The following XKR4 variants were observed in gnomAD, a reference collection of about 807,000 sequenced individuals.
The protein encoded by XKR4 is XK related 4.
Under a neutral mutation model 53.9 loss-of-function variants are expected in XKR4, and 12 were observed. The observed-to-expected ratio is 0.22, with a 90% CI of 0.14 to 0.36. XKR4 has a LOEUF of 0.36. Ranked by LOEUF, XKR4 falls within the 10% of genes least tolerant of loss-of-function variation. The pLI is 1.00. For missense variants in XKR4, 799 were observed against 859.5 expected (o/e 0.93, Z 0.88); for synonymous variants, 354 against 362.4 (o/e 0.98, Z 0.26).
Position 55,528,126 on chromosome 8 carries a change from A to G in XKR4, c.*3899A>G, listed in dbSNP as rs931437696. ...ATAAATTGTACATAAACTTTTTAGAAAAGAAGCATTTTCCTGCTCCTTTTT... is the reference window on the plus strand; with the variant it reads ...ATAAATTGTACATAAACTTTTTAGAGAAGAAGCATTTTCCTGCTCCTTTTT... On this transcript the variant is annotated 3_prime_UTR_variant, in exon 3 of 3. Transcript: ENST00000327381. 1.3e-5 allele frequency: 2 copies of G among 152,214 alleles called. No homozygotes were observed. The highest frequency in any genetic ancestry group is 1.5e-5 in the Non-Finnish European group (1 of 68,040). 9.4% of individuals were successfully genotyped at this position (152,214 alleles called of 1,614,324 possible).
At chr8:55,276,995 G>T (rs1818774015) in intron 1 of XKR4, among the ~76,000 whole-genome samples, 1 of 152,144 alleles carries the variant, frequency 6.6e-6, no homozygotes, top group Non-Finnish European at 1.5e-5. Flanking sequence ...AACCTATAAG[G>T]ACTGGGTTTC....
At chr8:55,205,517 C>T (rs1302063936) in intron 1 of XKR4, among the ~76,000 whole-genome samples, 1 of 152,138 alleles carries the variant, frequency 6.6e-6, no homozygotes, top group Admixed American at 6.6e-5. Flanking sequence ...AGAAGTGCAG[C>T]ATTATTTTCT....
At chr8:55,158,074 T>C (rs1220552391) in intron 1 of XKR4, among the ~76,000 whole-genome samples, 1 of 152,238 alleles carries the variant, frequency 6.6e-6, no homozygotes, top group Admixed American at 6.5e-5. Context: ...CTGTTTTAAG[T>C]TCTTTGAGAA....
In XKR4 at chr8:55,179,777, G is replaced by T. The variant is rs918724444; in HGVS notation, c.806+76483G>T. Among the ~76,000 whole-genome samples, 4 of 152,132 alleles carry T rather than the reference G, an allele frequency of 2.6e-5. No individual in the cohort carries two copies. In the South Asian group the frequency reaches 8.3e-4, roughly 32 times the overall value. On this transcript the variant is annotated intron_variant, in intron 1 of 2. Transcript: ENST00000327381. Reference sequence around the variant, plus strand: ...TATAAGAAACAGTGCACTGTGACTGGCATAATGGAATATTGTCAGAAGACT... The same window carrying T: ...TATAAGAAACAGTGCACTGTGACTGTCATAATGGAATATTGTCAGAAGACT...
chr8:55,127,881 A>G (rs975344741), intron 1 of XKR4, among the ~76,000 whole-genome samples: 2 of 151,998 alleles, frequency 1.3e-5, no homozygotes, highest in African/African-American at 4.8e-5. Flanking sequence ...GTTTCCAGTT[A>G]CAACCATGTT....
intron 2 of XKR4, among the ~76,000 whole-genome samples, chr8:55,441,357 A>T (rs1805263630): frequency 6.6e-6 from 1 of 152,242 alleles, no homozygotes; most frequent in Non-Finnish European, 1.5e-5. Flanking sequence ...GGCATTTAAT[A>T]ATATACCAAC....
intron 2 of XKR4, among the ~76,000 whole-genome samples, chr8:55,506,079 T>C (rs1438059688): frequency 1.3e-5 from 2 of 152,248 alleles, no homozygotes; most frequent in Admixed American, 6.5e-5. Context: ...AACTCTGAAG[T>C]AATTGAAAGA....
At chr8:55,145,575 G>A (rs1418470886) in intron 1 of XKR4, among the ~76,000 whole-genome samples, 1 of 152,172 alleles carries the variant, frequency 6.6e-6, no homozygotes, top group Non-Finnish European at 1.5e-5. Flanking sequence ...ATGTGAGATG[G>A]CATCTACAGC....
At chr8:55,323,375 C>T (rs1253935970) in intron 1 of XKR4, among the ~76,000 whole-genome samples, 3 of 152,200 alleles carry the variant, frequency 2.0e-5, no homozygotes, top group Admixed American at 2.0e-4. Context: ...TTGCCCTTGG[C>T]AATCACTGAC....
At chr8:55,372,528 A>G (rs965804841) in intron 2 of XKR4, among the ~76,000 whole-genome samples, 7 of 151,446 alleles carry the variant, frequency 4.6e-5, no homozygotes, top group Non-Finnish European at 8.8e-5. Flanking sequence ...GTGTTTTACT[A>G]TGGTACTTTC....
At position 55,525,803 on chromosome 8, in the gene XKR4, C is replaced by T. The variant is rs1806875490; in HGVS notation, c.*1576C>T. On this transcript the variant is annotated 3_prime_UTR_variant, in exon 3 of 3. Transcript: ENST00000327381. ...TATAGACCTGGAATCGTTTAAAATA[C>T]TTTAAGCATCATAATTACTTGGGAT... is the stretch of plus-strand genomic sequence containing the variant. The T allele has an allele frequency of 6.6e-6, 1 of 152,504 alleles. No individual in the cohort carries two copies. The highest frequency in any genetic ancestry group is 6.5e-5 in the Admixed American group (1 of 15,278). The allele number at this position is 152,504 out of a possible 1,614,324, so 9.4% of individuals were successfully genotyped here. A position where few individuals can be genotyped will look rare whatever the true frequency, so the allele number is the denominator to read the frequency against.
rs551576984 is a variant in XKR4, at chr8:55,324,389, C to G, written c.807-33289C>G. 2.4e-3 allele frequency among the ~76,000 whole-genome samples: 369 copies of G among 152,314 alleles called. 3 individuals carry two copies. The highest frequency in any genetic ancestry group is 0.012 in the South Asian group (60 of 4,824). ...GGGATTAAGTGTGAGCCACCGCACC[C>G]AGCATTTATTTTCTTTGCCCTTAAG... is the stretch of plus-strand genomic sequence containing the variant. On this transcript the variant is annotated intron_variant, in intron 1 of 2. Transcript: ENST00000327381.
At chr8:55,519,376 T>C (rs1174764720) in intron 2 of XKR4, among the ~76,000 whole-genome samples, 3 of 152,222 alleles carry the variant, frequency 2.0e-5, no homozygotes, top group Non-Finnish European at 1.5e-5. Context: ...TATTTTAGTA[T>C]GATGATCCTG....
intron 1 of XKR4, among the ~76,000 whole-genome samples, chr8:55,122,876 G>T (rs1414734664): frequency 1.3e-5 from 2 of 152,100 alleles, no homozygotes; most frequent in Non-Finnish European, 2.9e-5. Flanking sequence ...ACATGGAGGG[G>T]GTCTTCCAGC....
chr8:55,341,322 T>C (rs957595318), intron 1 of XKR4, among the ~76,000 whole-genome samples: 5 of 152,088 alleles, frequency 3.3e-5, no homozygotes, highest in African/African-American at 9.7e-5. Flanking sequence ...AGCAGGGGTA[T>C]TGATGCTCCC....
intron 2 of XKR4, among the ~76,000 whole-genome samples, chr8:55,495,786 CACTGCCACT>C (rs1232037932): frequency 6.6e-6 from 1 of 152,234 alleles, no homozygotes; most frequent in Non-Finnish European, 1.5e-5. Flanking sequence ...GGAGACCCAC[CACTGCCACT>C]ACTGCTCCCG....
intron 2 of XKR4, among the ~76,000 whole-genome samples, chr8:55,460,042 G>A (rs1805630520): frequency 6.9e-6 from 1 of 145,846 alleles, no homozygotes; most frequent in South Asian, 2.1e-4. Context: ...TCCATCAACT[G>A]GTGAATGCAT....
At chr8:55,271,708 G>T (rs1337533138) in intron 1 of XKR4, among the ~76,000 whole-genome samples, 1 of 152,200 alleles carries the variant, frequency 6.6e-6, no homozygotes, top group Admixed American at 6.5e-5. Flanking sequence ...GAGTGGTTGG[G>T]GTGTGTATTT....
intron 1 of XKR4, among the ~76,000 whole-genome samples, chr8:55,329,977 T>G (rs1487021065): frequency 6.6e-6 from 1 of 152,210 alleles, no homozygotes; most frequent in African/African-American, 2.4e-5. Flanking sequence ...GAATAATAAC[T>G]AATTCTCAGG....
Sources: gnomAD v4.1 joint callset for allele counts (sites outside exome capture counted in the v4.1 genomes callset) on GRCh38, gnomAD v4.1.1 for gene constraint, MANE v1.5 for transcripts, NCBI Gene and HGNC (gene_info 2026-07-23, HGNC 2026-07-21) for gene names.